SMARCA2: variants seen among roughly 807,000 people sequenced by gnomAD.
The protein encoded by SMARCA2 is SWI/SNF related BAF chromatin remodeling complex subunit ATPase 2.
SMARCA2 carries 61 observed loss-of-function variants against 199.8 expected under a neutral mutation model. The ratio of observed to expected loss-of-function variants is 0.31; its 90% confidence interval spans 0.25 to 0.38. SMARCA2 has a LOEUF of 0.38. Ranked by LOEUF, SMARCA2 falls within the 10% of genes least tolerant of loss-of-function variation. The probability of loss-of-function intolerance (pLI) is 1.00; values close to 1 mark genes in which losing one functional copy is unlikely to be tolerated. For synonymous variants in SMARCA2, 935 were observed against 732.0 expected, an observed-to-expected ratio of 1.28 and a Z score of -4.48; for missense variants, 1,344 against 2,012.2, an observed-to-expected ratio of 0.67 and a Z score of 6.35.
intron 32 of SMARCA2, among the ~76,000 whole-genome samples, chr9:2,190,949 A>T (rs972084689): frequency 2.0e-5 from 3 of 152,230 alleles, no homozygotes; most frequent in African/African-American, 7.2e-5. Flanking sequence ...CACAAGTAGA[A>T]AACACTTCCC....
intron 21 of SMARCA2, among the ~76,000 whole-genome samples, chr9:2,098,920 C>T (rs574448896): frequency 6.6e-6 from 1 of 150,498 alleles, no homozygotes; most frequent in Non-Finnish European, 1.5e-5. Context: ...GTACTCCAGC[C>T]TGAGTGACAA....
At chr9:2,042,822 G>A (rs192123637) in intron 4 of SMARCA2, 5 of 152,266 alleles carry the variant, frequency 3.3e-5, no homozygotes, top group Non-Finnish European at 1.5e-5. Context: ...GGGTTTTATG[G>A]AAGAGTGGAA....
intron 28 of SMARCA2, among the ~76,000 whole-genome samples, chr9:2,168,897 G>A (rs991455656): frequency 4.6e-5 from 7 of 152,300 alleles, no homozygotes; most frequent in African/African-American, 1.4e-4. Flanking sequence ...AGATGACAGA[G>A]CCATACCTAG....
Position 2,161,666 on chromosome 9 carries a change from C to A in SMARCA2, c.3982-20C>A. ...TTATTCTCTTGTCTTGAATTTGTCT[C>A]CTTTGTTTCCAACGAACAGGCCATC... On this transcript the variant is annotated intron_variant, in intron 27 of 33. Coordinates refer to ENST00000349721, the MANE Select transcript of SMARCA2 (RefSeq NM_003070.5). This position sits in a 1 kb window ranked among gnomAD's most constrained non-coding sequence, Gnocchi z 4.7. 6.4e-7 allele frequency: 1 copy of A among 1,574,778 alleles called. No individual in the cohort carries two copies. The highest frequency in any genetic ancestry group is 8.7e-7 in the Non-Finnish European group (1 of 1,146,242).
At chr9:2,090,214 A>T (rs1821992325) in intron 19 of SMARCA2, among the ~76,000 whole-genome samples, 1 of 152,158 alleles carries the variant, frequency 6.6e-6, no homozygotes, top group South Asian at 2.1e-4. Context: ...AGGATGATAA[A>T]ATTTTTATGA....
chr9:2,107,867 A>C (rs760323500), intron 23 of SMARCA2, among the ~76,000 whole-genome samples: 1 of 152,156 alleles, frequency 6.6e-6, no homozygotes, highest in Non-Finnish European at 1.5e-5. Context: ...CAGGTTTTGC[A>C]AAAGAGAAAA....
intron 31 of SMARCA2, among the ~76,000 whole-genome samples, chr9:2,182,638 GCACC>G (rs1827131358): frequency 6.6e-6 from 1 of 150,644 alleles, no homozygotes; most frequent in African/African-American, 2.4e-5. Context: ...GGGATTACAG[GCACC>G]CACCACCATG....
intron 29 of SMARCA2, among the ~76,000 whole-genome samples, chr9:2,173,518 T>G (rs1327969111): frequency 6.6e-6 from 1 of 152,216 alleles, no homozygotes. Context: ...CTGGGAAATT[T>G]TAGGTGTAGG....
At chr9:2,140,216 A>G (rs1304605671) in intron 27 of SMARCA2, among the ~76,000 whole-genome samples, 1 of 152,206 alleles carries the variant, frequency 6.6e-6, no homozygotes, top group Non-Finnish European at 1.5e-5. Flanking sequence ...AATATATAAC[A>G]GATGCTAACA....
chr9:2,029,264 C>T lies in SMARCA2; in HGVS notation c.225+17C>T, dbSNP rs775788069. 1.3e-6 allele frequency: 2 copies of T among 1,598,580 alleles called. No homozygotes were observed. The highest frequency in any genetic ancestry group is 4.5e-5 in the East Asian group (2 of 44,380). ...ATGCATAAGGTAAGAGTTTGTTCTC[C>T]CATTCAAACTCAACTTCTGATAAGT... is the stretch of plus-strand genomic sequence containing the variant. On this transcript the variant is annotated intron_variant, in intron 2 of 33. Coordinates refer to ENST00000349721, the MANE Select transcript of SMARCA2 (RefSeq NM_003070.5).
intron 21 of SMARCA2, 71 bp downstream of exon 21, chr9:2,097,542 A>C: frequency 1.0e-6 from 1 of 959,276 alleles, no homozygotes; most frequent in Middle Eastern, 2.3e-4. Context: ...AAAAACAAAC[A>C]AACAGGAAAA....
intron 1 of SMARCA2, among the ~76,000 whole-genome samples, chr9:2,028,145 AT>A (rs1432811841): frequency 5.3e-5 from 8 of 152,220 alleles, no homozygotes; most frequent in African/African-American, 1.9e-4. Context: ...TCTCTCAAGG[AT>A]TCTTGACCAG....
chr9:2,061,582 C>G (rs886957112), intron 9 of SMARCA2, among the ~76,000 whole-genome samples: 2 of 152,146 alleles, frequency 1.3e-5, no homozygotes, highest in African/African-American at 4.8e-5. Flanking sequence ...ATCTCTGCAG[C>G]TATTATATCT....
In SMARCA2 at chr9:2,104,965, G is replaced by A. The variant is rs561080128; in HGVS notation, c.3292+796G>A. ...TGCTATTTAATCCCTGGGTAGAAAAGAGGATACTGCTAATACCAGTATTTA... is the reference window on the plus strand; with the variant it reads ...TGCTATTTAATCCCTGGGTAGAAAAAAGGATACTGCTAATACCAGTATTTA... On this transcript the variant is annotated intron_variant, in intron 23 of 33. Transcript: ENST00000349721. This position sits in a 1 kb window ranked among gnomAD's most constrained non-coding sequence, Gnocchi z 4.0. Among the ~76,000 whole-genome samples the A allele has an allele frequency of 1.2e-4, 18 of 152,308 alleles. No homozygotes were observed. The East Asian group carries it at 3.3e-3, about 28-fold the overall frequency.
intron 5 of SMARCA2, among the ~76,000 whole-genome samples, chr9:2,052,576 G>A (rs976543012): frequency 2.0e-5 from 3 of 152,278 alleles, no homozygotes; most frequent in African/African-American, 4.8e-5. Context: ...AATAACGTGC[G>A]TATAGCAAAT....
chr9:2,098,329 A>G lies in SMARCA2; in HGVS notation c.3078+858A>G, dbSNP rs34371963. On this transcript the variant is annotated intron_variant, in intron 21 of 33. Coordinates refer to ENST00000349721, the MANE Select transcript of SMARCA2 (RefSeq NM_003070.5). ...GAAACTTCTGGAAAGTTAAAACTTA[A>G]TCACAGTATAAAAATTGAGTTGGAG... Among the ~76,000 whole-genome samples the G allele has an allele frequency of 7.8e-3, 1,183 of 152,356 alleles. 9 individuals carry two copies. The highest frequency in any genetic ancestry group is 0.012 in the Non-Finnish European group (848 of 68,026).
rs1267814683 is a variant in SMARCA2 at position 2,192,816 on chromosome 9, T to G, written c.*77T>G. 8 of 1,046,570 alleles carry G rather than the reference T, an allele frequency of 7.6e-6. No homozygotes were observed. The highest frequency in any genetic ancestry group is 6.0e-6 in the Non-Finnish European group (4 of 666,762). The allele number at this position is 1,046,570 out of a possible 1,614,324, so 64.8% of individuals were successfully genotyped here. A position where few individuals can be genotyped will look rare whatever the true frequency, so the allele number is the denominator to read the frequency against. On this transcript the variant is annotated 3_prime_UTR_variant, in exon 34 of 34. Transcript: ENST00000349721. ...CATTTCTACCCAGTGAGTTCATTTG[T>G]CATATAGGCACTGGGTTGTTTCTAT...
At chr9:2,142,848 T>C (rs1824530844) in intron 27 of SMARCA2, among the ~76,000 whole-genome samples, 1 of 152,162 alleles carries the variant, frequency 6.6e-6, no homozygotes, top group African/African-American at 2.4e-5. Flanking sequence ...TAGCAAGCTC[T>C]GTCATCCTGA....
intron 27 of SMARCA2, among the ~76,000 whole-genome samples, chr9:2,154,747 T>G (rs76656311): frequency 2.3e-3 from 343 of 152,352 alleles, no homozygotes; most frequent in African/African-American, 7.9e-3. Flanking sequence ...ATAGTTGTAT[T>G]TTATCTGTCT....
Sources: gnomAD v4.1 joint callset for allele counts (sites outside exome capture counted in the v4.1 genomes callset) on GRCh38, gnomAD v4.1.1 for gene constraint, Gnocchi (gnomAD v3.1) non-coding constraint, MANE v1.5 for transcripts, NCBI Gene and HGNC (gene_info 2026-07-23, HGNC 2026-07-21) for gene names.